The following PAK5 variants were observed in gnomAD, a reference collection of about 807,000 sequenced individuals.
PAK5 encodes the protein p21 (RAC1) activated kinase 5, also known as serine/threonine-protein kinase PAK 5.
Under a neutral mutation model 65.9 loss-of-function variants are expected in PAK5, and 16 were observed. That is an observed-to-expected ratio of 0.24 (90% CI 0.16 to 0.37). The LOEUF is 0.37. Among genes scored for constraint, PAK5 ranks in the 10% least tolerant of loss-of-function variants. PAK5 has a pLI of 1.00. For missense variants in PAK5, 785 were observed against 903.9 expected (o/e 0.87, Z 1.69); for synonymous variants, 371 against 354.9 (o/e 1.05, Z -0.51).
At chr20:9,752,102 A>G (rs1195868700) in intron 1 of PAK5, among the ~76,000 whole-genome samples, 1 of 152,322 alleles carries the variant, frequency 6.6e-6, no homozygotes, top group African/African-American at 2.4e-5. Context: ...TACACAGCGG[A>G]AAGTAATCAG....
At chr20:9,653,426 T>G (rs933457809) in intron 2 of PAK5, among the ~76,000 whole-genome samples, 8 of 152,218 alleles carry the variant, frequency 5.3e-5, no homozygotes, top group African/African-American at 1.7e-4. Context: ...TCCTCTTGGA[T>G]TATTCTCATT....
chr20:9,801,362 G>T (rs2049166656), intron 1 of PAK5, among the ~76,000 whole-genome samples: 1 of 151,614 alleles, frequency 6.6e-6, no homozygotes, highest in Non-Finnish European at 1.5e-5. Context: ...TGGTTCTTAT[G>T]AAACTGTTTT....
chr20:9,738,769 T>C (rs899553329), intron 1 of PAK5, among the ~76,000 whole-genome samples: 1 of 152,200 alleles, frequency 6.6e-6, no homozygotes, highest in African/African-American at 2.4e-5. Flanking sequence ...TTCATGGTTG[T>C]ATACATATGT....
intron 1 of PAK5, among the ~76,000 whole-genome samples, chr20:9,727,131 C>A (rs555891851): frequency 6.6e-6 from 1 of 152,212 alleles, no homozygotes; most frequent in East Asian, 1.9e-4. Context: ...CATACTTCAA[C>A]ATTTTTCTAA....
intron 1 of PAK5, among the ~76,000 whole-genome samples, chr20:9,721,086 G>C (rs1041219637): frequency 2.6e-5 from 4 of 152,076 alleles, no homozygotes; most frequent in Non-Finnish European, 5.9e-5. Context: ...CATTTTAAAC[G>C]AGTTAATTGT....
chr20:9,553,335 G>T (rs1035362024), intron 7 of PAK5, among the ~76,000 whole-genome samples: 3 of 152,186 alleles, frequency 2.0e-5, no homozygotes, highest in Non-Finnish European at 2.9e-5. Flanking sequence ...AAGTCTGGGA[G>T]ACTGTGTAGA....
At chr20:9,826,701 C>T (rs780930533) in intron 1 of PAK5, among the ~76,000 whole-genome samples, 19 of 152,132 alleles carry the variant, frequency 1.2e-4, no homozygotes, top group African/African-American at 4.3e-4. Context: ...CCCAAACTTT[C>T]GATTTCTTCC....
At chr20:9,820,704 A>G (rs1466355125) in intron 1 of PAK5, among the ~76,000 whole-genome samples, 3 of 152,208 alleles carry the variant, frequency 2.0e-5, no homozygotes, top group African/African-American at 7.2e-5. Flanking sequence ...AAGGGGACCC[A>G]TTTTACAAAG....
Position 9,580,394 on chromosome 20 carries a change from C to A in PAK5, c.741G>T (p.Lys247Asn). The A allele has an allele frequency of 6.2e-7, 1 of 1,614,032 alleles. No individual in the cohort carries two copies. The change falls in exon 4 of 10, where the codon AAG becomes AAT. Residue 247 changes from lysine (K) to asparagine (N), a missense_variant. Transcript: ENST00000353224. ...SRTAGTSGCS[K>N]ESLAYSESEW... Reference sequence around the variant, plus strand: ...CACTTTCACTGTACGCCAGGCTCTCCTTGGAGCACCCGCTGGTCCCTGCAG... The same window carrying A: ...CACTTTCACTGTACGCCAGGCTCTCATTGGAGCACCCGCTGGTCCCTGCAG...
chr20:9,639,567 C>T (rs992341720), intron 3 of PAK5, among the ~76,000 whole-genome samples: 21 of 152,216 alleles, frequency 1.4e-4, no homozygotes, highest in African/African-American at 5.1e-4. Flanking sequence ...CCTCAAGTCT[C>T]ATTTGCAGAA....
chr20:9,720,069 A>T (rs2048196684), intron 1 of PAK5, among the ~76,000 whole-genome samples: 1 of 152,148 alleles, frequency 6.6e-6, no homozygotes, highest in African/African-American at 2.4e-5. Context: ...TGCTGAGTTT[A>T]GATTTCCTAA....
intron 1 of PAK5, among the ~76,000 whole-genome samples, chr20:9,782,490 T>C (rs2048950880): frequency 6.6e-6 from 1 of 152,186 alleles, no homozygotes; most frequent in Non-Finnish European, 1.5e-5. Flanking sequence ...ATGTCAGGGA[T>C]ATTAAAATAT....
chr20:9,662,743 A>G (rs1569027055), intron 2 of PAK5, among the ~76,000 whole-genome samples: 2 of 152,178 alleles, frequency 1.3e-5, no homozygotes, highest in South Asian at 2.1e-4. Flanking sequence ...TCTAGTTGTT[A>G]TAACAATGGG....
At chr20:9,542,816 T>C in intron 8 of PAK5, 96 bp from the exon 9 acceptor site, 1 of 1,078,926 alleles carries the variant, frequency 9.3e-7, no homozygotes, top group Non-Finnish European at 1.4e-6. Context: ...CAAGTGACTA[T>C]GGCACTTGTA....
intron 1 of PAK5, among the ~76,000 whole-genome samples, chr20:9,821,728 T>C (rs999307883): frequency 6.6e-6 from 1 of 152,222 alleles, no homozygotes; most frequent in Admixed American, 6.5e-5. Flanking sequence ...TTACTGTTTA[T>C]CCACACATAC....
rs551995375 is a variant in PAK5, at chr20:9,682,229, C to T, written c.-12+29057G>A. 6.7e-4 allele frequency among the ~76,000 whole-genome samples: 102 copies of T among 152,096 alleles called. 5 individuals are homozygous for T. In the South Asian group the frequency reaches 0.018, roughly 26 times the overall value. On this transcript the variant is annotated intron_variant, in intron 2 of 9. Transcript: ENST00000353224. ...AAAATTAGCCAGGCGTGGTGGCGGG[C>T]GCCTGTAGTCCTAGCTACTCGGGAG...
At chr20:9,705,065 T>C (rs1157233225) in intron 2 of PAK5, among the ~76,000 whole-genome samples, 2 of 152,174 alleles carry the variant, frequency 1.3e-5, no homozygotes, top group African/African-American at 2.4e-5. Context: ...GGGGGTGCTA[T>C]TGGCACCTAG....
chr20:9,665,588 T>C (rs1242323864), intron 2 of PAK5, among the ~76,000 whole-genome samples: 1 of 152,018 alleles, frequency 6.6e-6, no homozygotes, highest in East Asian at 1.9e-4. Flanking sequence ...GCTCAAGTCA[T>C]CCTCCCACCT....
chr20:9,586,236 T>A (rs550543416), intron 3 of PAK5, among the ~76,000 whole-genome samples: 5 of 152,198 alleles, frequency 3.3e-5, no homozygotes, highest in South Asian at 2.1e-4. Context: ...AATTCACCAC[T>A]AGGACACAGG....
Sources: gnomAD v4.1 joint callset for allele counts (sites outside exome capture counted in the v4.1 genomes callset) on GRCh38, gnomAD v4.1.1 for gene constraint, MANE v1.5 for transcripts, NCBI Gene and HGNC (gene_info 2026-07-23, HGNC 2026-07-21) for gene names.